The following ATP11C variants were observed in gnomAD, a reference collection of about 807,000 sequenced individuals.
ATP11C encodes the protein phospholipid-transporting ATPase IG.
ATP11C carries 36 observed loss-of-function variants against 97.4 expected under a neutral mutation model. The ratio of observed to expected loss-of-function variants is 0.37; its 90% CI spans 0.28 to 0.49. ATP11C has a LOEUF of 0.49. Among genes scored for constraint, ATP11C ranks in the 20% least tolerant of loss-of-function variants. ATP11C has a pLI of 0.98. For missense variants in ATP11C, 730 were observed against 824.6 expected, an observed-to-expected ratio of 0.89 and a Z score of 1.40; for synonymous variants, 275 against 290.9, an observed-to-expected ratio of 0.95 and a Z score of 0.56.
chrX:139,891,279 T>C (rs2084726474), intron 1 of ATP11C, among the ~76,000 whole-genome samples: 2 of 110,148 alleles, frequency 1.8e-5, no homozygotes, highest in Admixed American at 1.9e-4. Context: ...ACTAGAAAGT[T>C]GGTGTTAACT....
intron 1 of ATP11C, among the ~76,000 whole-genome samples, chrX:139,898,649 T>G (rs1005900007): frequency 9.0e-6 from 1 of 111,629 alleles, no homozygotes; most frequent in Non-Finnish European, 1.9e-5. Context: ...CACTAAAATA[T>G]TCATTTTAAT....
intron 1 of ATP11C, among the ~76,000 whole-genome samples, chrX:139,891,584 C>T (rs949742191): frequency 9.0e-6 from 1 of 111,595 alleles, no homozygotes; most frequent in African/African-American, 3.3e-5. Flanking sequence ...TGCTCTCTCT[C>T]ACTCACACAC....
chrX:139,900,523 G>T (rs2084883537), intron 1 of ATP11C, among the ~76,000 whole-genome samples: 1 of 111,465 alleles, frequency 9.0e-6, no homozygotes, highest in South Asian at 3.7e-4. Context: ...AGTTACTATA[G>T]AATCCTGGAC....
chrX:139,904,913 C>A (rs1434793977), intron 1 of ATP11C, among the ~76,000 whole-genome samples: 1 of 111,904 alleles, frequency 8.9e-6, no homozygotes, highest in Non-Finnish European at 1.9e-5. Context: ...GAATCGTGCT[C>A]TAAGTATGAA....
chrX:139,746,156 TCA>T (rs1240978157), intron 24 of ATP11C, among the ~76,000 whole-genome samples: 1 of 111,812 alleles, frequency 8.9e-6, no homozygotes, highest in East Asian at 2.8e-4. Context: ...GGAACTGGGT[TCA>T]CAGTTTTACA....
intron 4 of ATP11C, among the ~76,000 whole-genome samples, chrX:139,815,779 T>G (rs1198608811): frequency 2.7e-5 from 3 of 111,107 alleles, no homozygotes; most frequent in African/African-American, 9.8e-5. Context: ...GAAAAGTCTC[T>G]TCATCGCCTC....
At chrX:139,731,162 G>C (rs765474470) in intron 29 of ATP11C, among the ~76,000 whole-genome samples, 1 of 111,635 alleles carries the variant, frequency 9.0e-6, no homozygotes, top group Non-Finnish European at 1.9e-5. Flanking sequence ...TACAGTACCT[G>C]CAAACACACA....
At chrX:139,869,080 A>G (rs917639655) in intron 1 of ATP11C, among the ~76,000 whole-genome samples, 1 of 112,521 alleles carries the variant, frequency 8.9e-6, no homozygotes, top group African/African-American at 3.2e-5. Flanking sequence ...AAAAAATTAA[A>G]CATAGAATTA....
Position 139,757,883 on chromosome X carries a change from T to G in ATP11C, c.2641-16A>C. The G allele has an allele frequency of 9.0e-7, 1 of 1,106,496 alleles. No homozygotes were observed. Among genetic ancestry groups the G allele is most frequent in the Non-Finnish European group, 1.2e-6 (1 of 815,723 alleles). 91.2% of individuals were successfully genotyped at this position (1,106,496 alleles called of 1,213,427 possible). On this transcript the variant is annotated splice_polypyrimidine_tract_variant and intron_variant, in intron 22 of 29. Coordinates refer to ENST00000682941, the MANE Select transcript of ATP11C (RefSeq NM_001353812.2). ...AACAAAGGTTCTGAAAAAAAAAAAT[T>G]AAGACAAGGATTAACATTTTCACTT...
chrX:139,848,092 A>T (rs1016186165), intron 1 of ATP11C, among the ~76,000 whole-genome samples: 4 of 111,028 alleles, frequency 3.6e-5, no homozygotes, highest in Admixed American at 9.6e-5. Flanking sequence ...ATCTGAACAC[A>T]CCATCTTATA....
upstream of ATP11C, among the ~76,000 whole-genome samples, chrX:139,936,851 GTAA>G (rs10564909): frequency 0.11 from 12,673 of 110,399 alleles, 997 homozygotes; most frequent in East Asian, 0.3. Context: ...AGCAATTCAA[GTAA>G]TCTGGCAGGA....
intron 1 of ATP11C, among the ~76,000 whole-genome samples, chrX:139,902,407 G>A (rs1305119283): frequency 3.6e-5 from 4 of 111,216 alleles, no homozygotes; most frequent in Non-Finnish European, 7.5e-5. Context: ...GGTTCACACT[G>A]ATATGACTAT....
chrX:139,836,478 G>A (rs981703348), intron 1 of ATP11C, among the ~76,000 whole-genome samples: 3 of 111,478 alleles, frequency 2.7e-5, no homozygotes, highest in Non-Finnish European at 3.8e-5. Context: ...TCGCACCATT[G>A]CACTCCAGCC....
intron 12 of ATP11C, among the ~76,000 whole-genome samples, chrX:139,793,290 A>G (rs12012817): frequency 0.064 from 7,193 of 111,642 alleles, 563 homozygotes; most frequent in African/African-American, 0.22. Flanking sequence ...TACCACTTGA[A>G]CAGAAATGTA....
At chrX:139,901,740 A>C (rs967136126) in intron 1 of ATP11C, among the ~76,000 whole-genome samples, 2 of 111,838 alleles carry the variant, frequency 1.8e-5, no homozygotes, top group African/African-American at 6.5e-5. Context: ...AAAGTCCAAC[A>C]ATGAGTAGCA....
chrX:139,732,654 AG>A (rs1237711629), intron 28 of ATP11C: 1 of 203,558 alleles, frequency 4.9e-6, no homozygotes, highest in Non-Finnish European at 9.4e-6. Flanking sequence ...GAGAATTCGA[AG>A]CCGAAATGAT....
At chrX:139,856,275 C>T (rs897142793) in intron 1 of ATP11C, among the ~76,000 whole-genome samples, 3 of 112,555 alleles carry the variant, frequency 2.7e-5, no homozygotes, top group African/African-American at 9.7e-5. Context: ...TCTTGAAGTT[C>T]GGCACCCTGC....
At chrX:139,918,442 T>C (rs1445344765) in intron 1 of ATP11C, among the ~76,000 whole-genome samples, 1 of 108,328 alleles carries the variant, frequency 9.2e-6, no homozygotes, top group Non-Finnish European at 1.9e-5. Flanking sequence ...CGAAACCCCG[T>C]CTCTACTAAA....
At chrX:139,828,589 G>A (rs1029337305) in intron 1 of ATP11C, among the ~76,000 whole-genome samples, 6 of 111,728 alleles carry the variant, frequency 5.4e-5, no homozygotes, top group African/African-American at 2.0e-4. Context: ...CCAAGTCCAC[G>A]TATACATTGC....
Sources: gnomAD v4.1 joint callset for allele counts (sites outside exome capture counted in the v4.1 genomes callset) on GRCh38, gnomAD v4.1.1 for gene constraint, MANE v1.5 for transcripts, NCBI Gene and HGNC (gene_info 2026-07-23, HGNC 2026-07-21) for gene names.